The following GALNT14 variants were observed in gnomAD, a reference collection of about 807,000 sequenced individuals.
GALNT14 encodes the protein polypeptide N-acetylgalactosaminyltransferase 14.
Under a neutral mutation model 77.5 loss-of-function variants are expected in GALNT14, and 60 were observed. The ratio of observed to expected loss-of-function variants is 0.77; its 90% CI spans 0.63 to 0.96. The LOEUF (loss-of-function observed/expected upper bound fraction) is 0.96. GALNT14 is among the 40% of genes least tolerant of loss of function. The pLI is 0.00. For synonymous variants in GALNT14, 280 were observed against 281.7 expected (o/e 0.99, Z 0.06); for missense variants, 710 against 731.0 (o/e 0.97, Z 0.33).
chr2:31,049,496 C>T (rs778116837), intron 1 of GALNT14, among the ~76,000 whole-genome samples: 55 of 152,264 alleles, frequency 3.6e-4, no homozygotes, highest in Middle Eastern at 3.4e-3. Flanking sequence ...CCTGCTGGGC[C>T]GGGACATGGA....
At chr2:31,137,894 C>A in intron 1 of GALNT14, 64 bp downstream of exon 1, 1 of 1,546,796 alleles carries the variant, frequency 6.5e-7, no homozygotes, top group Non-Finnish European at 8.7e-7. Context: ...GCAAACCCGG[C>A]ACGCGGGCTG....
chr2:31,051,012 G>A (rs1673828387), intron 1 of GALNT14, among the ~76,000 whole-genome samples: 1 of 152,176 alleles, frequency 6.6e-6, no homozygotes, highest in Middle Eastern at 3.4e-3. Flanking sequence ...GAGATGCTGC[G>A]CCACCTCGGA....
chr2:31,072,292 CACACACACACAT>C (rs765788506), intron 1 of GALNT14, among the ~76,000 whole-genome samples: 6,978 of 88,600 alleles, frequency 0.079, 188 homozygotes, highest in African/African-American at 0.11. Flanking sequence ...TACACACACA[CACACACACACAT>C]ACACACACAC....
At chr2:30,919,390 C>T (rs948886347) in intron 13 of GALNT14, among the ~76,000 whole-genome samples, 3 of 152,114 alleles carry the variant, frequency 2.0e-5, no homozygotes, top group African/African-American at 7.2e-5. Flanking sequence ...GGAGCAGCAT[C>T]GGGAGCCAGT....
intron 1 of GALNT14, among the ~76,000 whole-genome samples, chr2:31,053,107 G>C (rs988872898): frequency 3.9e-5 from 6 of 152,106 alleles, no homozygotes; most frequent in Admixed American, 1.3e-4. Context: ...CTCCCAAACA[G>C]CTCACTTGCC....
At chr2:30,940,360 C>T (rs982708496) in intron 9 of GALNT14, among the ~76,000 whole-genome samples, 3 of 152,172 alleles carry the variant, frequency 2.0e-5, no homozygotes, top group Non-Finnish European at 4.4e-5. Flanking sequence ...TGCCTGAATC[C>T]AAATAGAACT....
At chr2:30,999,804 T>C (rs916187788) in intron 1 of GALNT14, among the ~76,000 whole-genome samples, 5 of 152,074 alleles carry the variant, frequency 3.3e-5, no homozygotes, top group African/African-American at 9.7e-5. Flanking sequence ...CATGGAAGAG[T>C]TATCTCCTAA....
At chr2:30,919,045 A>G (rs1262449191) in intron 13 of GALNT14, among the ~76,000 whole-genome samples, 4 of 152,310 alleles carry the variant, frequency 2.6e-5, no homozygotes. Flanking sequence ...CCAGTAGCCC[A>G]CACACTGGGA....
intron 6 of GALNT14, among the ~76,000 whole-genome samples, chr2:30,951,404 G>A (rs1667020050): frequency 6.6e-6 from 1 of 152,172 alleles, no homozygotes; most frequent in Admixed American, 6.5e-5. Context: ...GAGACAGAGA[G>A]CGGATTAGCA....
chr2:31,004,033 G>A (rs1184164068), intron 1 of GALNT14, among the ~76,000 whole-genome samples: 3 of 152,220 alleles, frequency 2.0e-5, no homozygotes, highest in Non-Finnish European at 4.4e-5. Flanking sequence ...ATGTCGATGG[G>A]CATCCTGGAT....
rs535714801 is a variant in GALNT14 at position 31,136,693 on chromosome 2, G to A, written c.129+1265C>T. Among the ~76,000 whole-genome samples the A allele has an allele frequency of 1.4e-3, 212 of 152,304 alleles. 1 individual carries two copies. Among genetic ancestry groups the A allele is most frequent in the African/African-American group, 4.8e-3 (198 of 41,558 alleles). The stretch of plus-strand genomic sequence containing the variant: ...AAGACTTGGTTAAAAAGGGGAAACC[G>A]AGAGGCAACTTGATATACTGGAAAC... On this transcript the variant is annotated intron_variant, in intron 1 of 14. Transcript: ENST00000349752.
chr2:30,942,231 C>G lies in GALNT14; in HGVS notation c.901G>C (p.Asp301His). 6.2e-7 allele frequency: 1 copy of G among 1,614,004 alleles called. No individual in the cohort carries two copies. The highest frequency in any genetic ancestry group is 1.1e-5 in the South Asian group (1 of 91,076). ...TTCTCCCCACCCCAGATGTCCATGT[C>G]CATATCATATTTCCCCAGGTAATCA... ...WFDYLGKYDM[D>H]MDIWGGENFE... Residue 301 changes from aspartate (D) to histidine (H), a missense_variant, in exon 9 of 15, where the codon GAC becomes CAC. Coordinates refer to ENST00000349752, the MANE Select transcript of GALNT14 (RefSeq NM_024572.4).
At chr2:30,918,021 C>A (rs545541914) in intron 13 of GALNT14, among the ~76,000 whole-genome samples, 1 of 152,326 alleles carries the variant, frequency 6.6e-6, no homozygotes, top group Non-Finnish European at 1.5e-5. Context: ...CACAAGTGAG[C>A]TGATGGCTGT....
intron 1 of GALNT14, among the ~76,000 whole-genome samples, chr2:31,059,785 A>C (rs767453276): frequency 6.6e-6 from 1 of 152,260 alleles, no homozygotes; most frequent in Non-Finnish European, 1.5e-5. Context: ...CACAGCAAGA[A>C]GGCTCTGTGT....
At chr2:30,980,734 G>T (rs988839462) in intron 2 of GALNT14, among the ~76,000 whole-genome samples, 2 of 152,218 alleles carry the variant, frequency 1.3e-5, no homozygotes, top group Admixed American at 1.3e-4. Flanking sequence ...CACCCAAAGG[G>T]CTACTGAGGA....
At chr2:31,085,070 G>T (rs1176874674) in intron 1 of GALNT14, among the ~76,000 whole-genome samples, 1 of 152,048 alleles carries the variant, frequency 6.6e-6, no homozygotes, top group Non-Finnish European at 1.5e-5. Flanking sequence ...TGCACTGCAT[G>T]GGACACAGTG....
rs1428109270 is a variant in GALNT14 at position 31,003,746 on chromosome 2, G to GA, written c.130-10740dup. The stretch of plus-strand genomic sequence containing the variant: ...ATAATTGCCTAAAAATTCCAACAGT[G>GA]AAACATAATATGATTAACTGAATGG... On this transcript the variant is annotated intron_variant, in intron 1 of 14. Coordinates refer to ENST00000349752, the MANE Select transcript of GALNT14 (RefSeq NM_024572.4). 1.4e-4 allele frequency among the ~76,000 whole-genome samples: 21 copies of GA among 152,320 alleles called. No individual in the cohort carries two copies. In the East Asian group the frequency reaches 4.1e-3, roughly 29 times the overall value.
chr2:30,932,161 C>A lies in GALNT14; in HGVS notation c.965G>T (p.Ser322Ile). The A allele has an allele frequency of 6.4e-7, 1 of 1,553,700 alleles. No homozygotes were observed. Among genetic ancestry groups the A allele is most frequent in the Non-Finnish European group, 8.7e-7 (1 of 1,150,048 alleles). Residue 322 changes from serine (S) to isoleucine (I), a missense_variant, in exon 10 of 15, where the codon AGC (serine) becomes ATC (isoleucine). Ser to Ile is a moderately radical substitution (Grantham distance 142). Coordinates refer to ENST00000349752, the MANE Select transcript of GALNT14 (RefSeq NM_024572.4). ...ISFRVWMCGG[S>I]LEIVPCSRVG... ...TCGGCTGCAGGGGACGATCTCTAGG[C>A]TGCCCCCGCACATCCACACTCGGAA...
At chr2:30,903,652 G>A in the GALNT14 span, among the ~76,000 whole-genome samples, 4 of 152,210 alleles carry the variant, frequency 2.6e-5, no homozygotes, top group African/African-American at 9.6e-5. Flanking sequence ...CCTGGCCAAC[G>A]CTTTAATGGC....
Sources: allele counts gnomAD v4.1 joint callset (sites outside exome capture counted in the v4.1 genomes callset), GRCh38; gene constraint gnomAD v4.1.1; transcripts MANE v1.5; gene names NCBI Gene and HGNC (gene_info 2026-07-23, HGNC 2026-07-21).